Variants in MS4A13 observed in about 807,000 individuals in gnomAD.
MS4A13 encodes the protein membrane-spanning 4-domains subfamily A member 13.
A neutral mutation model predicts 18.4 loss-of-function variants in MS4A13; 21 were observed. The ratio of observed to expected loss-of-function variants is 1.14; its 90% CI spans 0.81 to 1.64. The LOEUF (loss-of-function observed/expected upper bound fraction) is 1.64. Among genes scored for constraint, MS4A13 ranks in the 40% most tolerant of loss-of-function variants. The pLI is 0.00. For missense variants in MS4A13, 173 were observed against 176.8 expected (o/e 0.98, Z 0.12); for synonymous variants, 62 against 57.2 (o/e 1.08, Z -0.38).
chr11:60,539,717 C>A (rs1409578639), intron 6 of MS4A13, among the ~76,000 whole-genome samples: 1 of 151,574 alleles, frequency 6.6e-6, no homozygotes, highest in Non-Finnish European at 1.5e-5. Flanking sequence ...AAAATAAAAA[C>A]AAGACTCTTC....
intron 6 of MS4A13, 52 bp downstream of exon 6, chr11:60,529,512 C>T: frequency 9.8e-7 from 1 of 1,023,684 alleles, no homozygotes; most frequent in Non-Finnish European, 1.5e-6. Flanking sequence ...TTTCTAGTAA[C>T]TACACTCTAT....
chr11:60,520,716 A>C (rs1212975189), intron 3 of MS4A13, among the ~76,000 whole-genome samples: 1 of 152,174 alleles, frequency 6.6e-6, no homozygotes, highest in East Asian at 1.9e-4. Flanking sequence ...CGTTGTCTGC[A>C]GCTTTTCCAG....
intron 6 of MS4A13, among the ~76,000 whole-genome samples, chr11:60,541,875 G>T (rs778100299): frequency 6.6e-6 from 1 of 152,078 alleles, no homozygotes; most frequent in Non-Finnish European, 1.5e-5. Flanking sequence ...GAAGCAGGAG[G>T]ATCACTTGAG....
Position 60,542,650 on chromosome 11 carries a change from G to A in MS4A13, c.*75G>A. The A allele has an allele frequency of 1.0e-5, 9 of 861,658 alleles. No homozygotes were observed. Among genetic ancestry groups the A allele is most frequent in the Non-Finnish European group, 1.6e-5 (9 of 562,376 alleles). The allele number at this position is 861,658 out of a possible 1,614,324, so 53.4% of individuals were successfully genotyped here. On this transcript the variant is annotated 3_prime_UTR_variant, in exon 7 of 7. Transcript: ENST00000378186. ...CCTAATGATATCTCTGTATAACAAA[G>A]CAGTTACGAAGCCTACAGATTTTGT...
rs528503697 is a variant in MS4A13, at chr11:60,532,075, C to A, written c.402+2615C>A. 9.2e-5 allele frequency among the ~76,000 whole-genome samples: 14 copies of A among 152,286 alleles called. No homozygotes were observed. In the East Asian group the frequency reaches 2.5e-3, roughly 27 times the overall value. ...TAGTTACCCATAGGGTTCAAAACAA[C>A]ACTTAATAGACATAGCGTCTTTGAG... On this transcript the variant is annotated intron_variant, in intron 6 of 6. Transcript: ENST00000378186.
intron 3 of MS4A13, among the ~76,000 whole-genome samples, chr11:60,520,922 C>T (rs549079414): frequency 6.6e-6 from 1 of 152,366 alleles, no homozygotes; most frequent in South Asian, 2.1e-4. Flanking sequence ...CGCTGGGCAT[C>T]CAGGCAGTTC....
At chr11:60,528,572 A>G (rs974094919) in intron 5 of MS4A13, among the ~76,000 whole-genome samples, 1 of 152,250 alleles carries the variant, frequency 6.6e-6, no homozygotes, top group African/African-American at 2.4e-5. Flanking sequence ...TTTCTTGAAT[A>G]TAAAAGATAT....
At chr11:60,525,654 T>C (rs1590873783) in intron 5 of MS4A13, among the ~76,000 whole-genome samples, 3 of 152,182 alleles carry the variant, frequency 2.0e-5, no homozygotes, top group Non-Finnish European at 4.4e-5. Flanking sequence ...AATAAAACCA[T>C]TTTGCAAATA....
chr11:60,516,343 T>C (rs1590868583), intron 2 of MS4A13, among the ~76,000 whole-genome samples: 1 of 152,050 alleles, frequency 6.6e-6, no homozygotes, highest in Admixed American at 6.6e-5. Flanking sequence ...AAAAAGAGAG[T>C]ACTGCACTTA....
chr11:60,517,811 A>C (rs1422528386), intron 2 of MS4A13, among the ~76,000 whole-genome samples: 1 of 152,152 alleles, frequency 6.6e-6, no homozygotes, highest in Non-Finnish European at 1.5e-5. Flanking sequence ...TCAAACTGTT[A>C]ACTTACAGGA....
At chr11:60,539,701 CA>C (rs144595294) in intron 6 of MS4A13, among the ~76,000 whole-genome samples, 2 of 149,640 alleles carry the variant, frequency 1.3e-5, no homozygotes, top group Admixed American at 6.6e-5. Flanking sequence ...TTGAAAGCAG[CA>C]AAAAAAAATA....
chr11:60,529,049 G>C (rs1476634175), intron 5 of MS4A13, among the ~76,000 whole-genome samples: 1 of 152,166 alleles, frequency 6.6e-6, no homozygotes, highest in African/African-American at 2.4e-5. Flanking sequence ...TTACTAACTG[G>C]AGAGTTTAGA....
chr11:60,527,763 G>A (rs1262026404), intron 5 of MS4A13, among the ~76,000 whole-genome samples: 1 of 152,030 alleles, frequency 6.6e-6, no homozygotes, highest in Non-Finnish European at 1.5e-5. Flanking sequence ...TTGAACCCAG[G>A]AGGCAGAGGT....
Position 60,538,177 on chromosome 11 carries a change from T to TTA in MS4A13, c.403-4342_403-4341insTA, listed in dbSNP as rs60140970. Among the ~76,000 whole-genome samples the TTA allele has an allele frequency of 5.9e-3, 442 of 74,976 alleles. 2 individuals carry two copies. Among genetic ancestry groups the TTA allele is most frequent in the South Asian group, 0.01 (23 of 2,294 alleles). 49.2% of individuals were successfully genotyped at this position (74,976 alleles called of 152,430 possible). A position where few individuals can be genotyped will look rare whatever the true frequency, so the allele number is the denominator to read the frequency against. ...ATGTACCCTAAAACTTAAAGTATAA[T>TTA]AAAAAAAAAAAAAACGAAAAAAAAA... On this transcript the variant is annotated intron_variant, in intron 6 of 6. Coordinates refer to ENST00000378186, the MANE Select transcript of MS4A13 (RefSeq NM_001012417.3).
At chr11:60,527,008 T>G (rs1453332774) in intron 5 of MS4A13, among the ~76,000 whole-genome samples, 1 of 152,226 alleles carries the variant, frequency 6.6e-6, no homozygotes, top group Non-Finnish European at 1.5e-5. Flanking sequence ...CCTGTTGTTT[T>G]AAAAGCTAGT....
At position 60,542,401 on chromosome 11, in the gene MS4A13, T is replaced by A. The variant is rs566264782; in HGVS notation, c.403-118T>A. 1.3e-5 allele frequency: 7 copies of A among 546,738 alleles called. No homozygotes were observed. In the African/African-American group the frequency reaches 1.3e-4, roughly 10 times the overall value. 33.9% of individuals were successfully genotyped at this position (546,738 alleles called of 1,614,324 possible). A position where few individuals can be genotyped will look rare whatever the true frequency, so the allele number is the denominator to read the frequency against. On this transcript the variant is annotated intron_variant, in intron 6 of 6. Coordinates refer to ENST00000378186, the MANE Select transcript of MS4A13 (RefSeq NM_001012417.3). ...GGAATGGGACAGAAATAGGATACTT[T>A]AAGATTTCACTCTATAAATATCAGT...
At chr11:60,532,527 A>G (rs1429651246) in intron 6 of MS4A13, among the ~76,000 whole-genome samples, 3 of 152,212 alleles carry the variant, frequency 2.0e-5, no homozygotes, top group Non-Finnish European at 2.9e-5. Context: ...TCCTACGCCC[A>G]CGGAATCTCG....
chr11:60,527,155 C>T (rs185033225), intron 5 of MS4A13, among the ~76,000 whole-genome samples: 1 of 152,262 alleles, frequency 6.6e-6, no homozygotes, highest in Non-Finnish European at 1.5e-5. Context: ...AAAACCTTGA[C>T]ATAATACCTC....
intron 6 of MS4A13, among the ~76,000 whole-genome samples, chr11:60,538,165 C>A (rs1158219182): frequency 8.5e-5 from 10 of 117,532 alleles, no homozygotes; most frequent in African/African-American, 3.0e-4. Flanking sequence ...TACCCTAAAA[C>A]TTAAAGTATA....
Sources: gnomAD v4.1 joint callset for allele counts (sites outside exome capture counted in the v4.1 genomes callset) on GRCh38, gnomAD v4.1.1 for gene constraint, MANE v1.5 for transcripts, NCBI Gene and HGNC (gene_info 2026-07-23, HGNC 2026-07-21) for gene names.